Variants in ZNF843 observed in about 807,000 individuals in gnomAD.
ZNF843 encodes the protein zinc finger protein 843.
For synonymous variants in ZNF843, 185 were observed against 207.7 expected, an observed-to-expected ratio of 0.89 and a Z score of 0.94; for missense variants, 482 against 469.4, an observed-to-expected ratio of 1.03 and a Z score of -0.25.
rs927640848 is a variant in ZNF843, at chr16:31,437,880, C to G, written c.-335-696G>C. On this transcript the variant is annotated intron_variant, in intron 1 of 1. Coordinates refer to ENST00000315678, the MANE Select transcript of ZNF843 (RefSeq NM_001136509.3). ...TGACCTCATGATCCACCCACCTTAGCCTCCCAAAGTGCTGGGATTACAGGT... is the reference window on the plus strand; with the variant it reads ...TGACCTCATGATCCACCCACCTTAGGCTCCCAAAGTGCTGGGATTACAGGT... Among the ~76,000 whole-genome samples, 24 of 152,192 alleles carry G rather than the reference C, an allele frequency of 1.6e-4. 1 individual carries two copies. The highest frequency in any genetic ancestry group is 1.4e-3 in the Admixed American group (21 of 15,296).
At position 31,437,026 on chromosome 16, in the gene ZNF843, A is replaced by AC; in HGVS notation, c.-178dup. On this transcript the variant is annotated 5_prime_UTR_variant, in exon 2 of 2. An upstream open reading frame in the 5' UTR loses its in-frame stop. Transcript: ENST00000315678. ...TGTCTGGAGAGTTCTCTAATGTAAG[A>AC]CGCTGGGCAATGTCATCTGAAGGTG... The AC allele has an allele frequency of 1.6e-6, 1 of 606,376 alleles. No homozygotes were observed. The highest frequency in any genetic ancestry group is 2.2e-5 in the South Asian group (1 of 44,768). 37.6% of individuals were successfully genotyped at this position (606,376 alleles called of 1,614,324 possible).
In ZNF843 at chr16:31,436,473, CA is replaced by C. The variant is rs763820291; in HGVS notation, c.376del (p.Trp126GlyfsTer289). 1.9e-5 allele frequency: 29 copies of C among 1,551,688 alleles called. No individual in the cohort carries two copies. In the South Asian group the frequency reaches 3.3e-4, roughly 18 times the overall value. ...TGGCCGATCAGCTTCCACCGGTCCC[CA>C]AAAACCTGCTGGTACTGGGGACAGA... ...LRLSPVPAGF[W>X]GPVEADRPPA... On this transcript the variant is annotated frameshift_variant, in exon 2 of 2. Transcript: ENST00000315678. LOFTEE classifies it low-confidence loss of function (END_TRUNC).
At chr16:31,437,549 G>T (rs1177662364) in intron 1 of ZNF843, among the ~76,000 whole-genome samples, 1 of 149,562 alleles carries the variant, frequency 6.7e-6, no homozygotes, top group Non-Finnish European at 1.5e-5. Flanking sequence ...CAAGCGGTTG[G>T]CCCACCTGGG....
Position 31,435,775 on chromosome 16 carries a change from C to T in ZNF843, c.*28G>A. ...CAGTCCACCGGCGGCTGCAACAATT[C>T]CACCCAGGGCTGCAGCACGCTGGTT... On this transcript the variant is annotated 3_prime_UTR_variant, in exon 2 of 2. Coordinates refer to ENST00000315678, the MANE Select transcript of ZNF843 (RefSeq NM_001136509.3). 1.4e-6 allele frequency: 2 copies of T among 1,437,784 alleles called. No individual in the cohort carries two copies. The highest frequency in any genetic ancestry group is 1.8e-6 in the Non-Finnish European group (2 of 1,092,790). 89.1% of individuals were successfully genotyped at this position (1,437,784 alleles called of 1,614,324 possible). A position where few individuals can be genotyped will look rare whatever the true frequency, so the allele number is the denominator to read the frequency against.
chr16:31,440,194 T>A (rs376697396), intron 1 of ZNF843, among the ~76,000 whole-genome samples: 2 of 152,152 alleles, frequency 1.3e-5, no homozygotes, highest in East Asian at 1.9e-4. Flanking sequence ...GGTAAAAAAA[T>A]TTTTGGCTCC....
chr16:31,438,542 G>A (rs2082190978), intron 1 of ZNF843, among the ~76,000 whole-genome samples: 1 of 151,658 alleles, frequency 6.6e-6, no homozygotes, highest in Admixed American at 6.6e-5. Context: ...GCCACTCTGA[G>A]CCCTGGCTTG....
chr16:31,435,827 C>G lies in ZNF843; in HGVS notation c.1023G>C (p.Arg341=). ...PVFPVWKASS[R]RSNLARH ...TTCAGTGTCGGGCCAGGTTGGACCT[C>G]CGGCTGGAGGCCTTCCACACCGGAA... is the stretch of plus-strand genomic sequence containing the variant. Residue 341 remains arginine, a synonymous_variant, in exon 2 of 2, where the codon CGG becomes CGC. Transcript: ENST00000315678. 1 of 1,463,222 alleles carries G rather than the reference C, an allele frequency of 6.8e-7. No individual in the cohort carries two copies. Among genetic ancestry groups the G allele is most frequent in the Non-Finnish European group, 9.1e-7 (1 of 1,102,990 alleles). The allele number at this position is 1,463,222 out of a possible 1,614,324, so 90.6% of individuals were successfully genotyped here.
chr16:31,439,577 C>T (rs1277967455), intron 1 of ZNF843, among the ~76,000 whole-genome samples: 3 of 152,180 alleles, frequency 2.0e-5, no homozygotes, highest in Non-Finnish European at 4.4e-5. Flanking sequence ...CTGTTACCTG[C>T]AAGCAATGGA....
chr16:31,438,507 G>A (rs2082190914), intron 1 of ZNF843, among the ~76,000 whole-genome samples: 1 of 152,104 alleles, frequency 6.6e-6, no homozygotes, highest in African/African-American at 2.4e-5. Context: ...ACTTGGAAAT[G>A]GGGACTGGGG....
In ZNF843 at chr16:31,436,806, G is replaced by T. The variant is rs1205586207; in HGVS notation, c.44C>A (p.Ala15Asp). 19 of 1,550,586 alleles carry T rather than the reference G, an allele frequency of 1.2e-5. No individual in the cohort carries two copies. The highest frequency in any genetic ancestry group is 1.7e-5 in the Non-Finnish European group (19 of 1,146,348). The stretch of plus-strand genomic sequence containing the variant: ...GGTGCTGCAGCAGGTAGGAGCTCTG[G>T]CTGAAACGCTTTCCACAGTCAGGGC... Reference protein sequence around the residue: ...PFALTVESVSARAPTCCSTGR... With the variant: ...PFALTVESVSDRAPTCCSTGR... Residue 15 changes from alanine to aspartate, a missense_variant, in exon 2 of 2, where the codon GCC becomes GAC. Transcript: ENST00000315678.
In ZNF843 at chr16:31,436,202, G is replaced by A; in HGVS notation, c.648C>T (p.Pro216=). The change falls in exon 2 of 2, where the codon CCC becomes CCT. Residue 216 remains proline, a synonymous_variant. Transcript: ENST00000315678. ...GGCCAGGATAAAGGAAGGGAGGTCG[G>A]GGCAGGAGTGTGGATGGGGGCAGAT... ...LQHLPPSTLL[P]RPPFLYPGPP... The A allele has an allele frequency of 6.5e-7, 1 of 1,536,650 alleles. No individual in the cohort carries two copies. The highest frequency in any genetic ancestry group is 1.2e-5 in the South Asian group (1 of 81,488).
At chr16:31,442,563 C>G (rs571349609) in intron 1 of ZNF843, 73 bp downstream of exon 1, 1 of 152,576 alleles carries the variant, frequency 6.6e-6, no homozygotes, top group East Asian at 1.9e-4. Flanking sequence ...TCGTGATCCG[C>G]CCGCCTCGGC....
At chr16:31,442,448 G>A (rs991441419) in intron 1 of ZNF843, among the ~76,000 whole-genome samples, 188 bp downstream of exon 1, 6 of 152,186 alleles carry the variant, frequency 3.9e-5, no homozygotes, top group Admixed American at 3.9e-4. Context: ...AGCCTCCCGA[G>A]TAGCTGGGAC....
At chr16:31,441,019 T>C (rs2082199480) in intron 1 of ZNF843, among the ~76,000 whole-genome samples, 1 of 152,228 alleles carries the variant, frequency 6.6e-6, no homozygotes, top group African/African-American at 2.4e-5. Context: ...ATCTCTTCCC[T>C]AGATGAGTGT....
intron 1 of ZNF843, among the ~76,000 whole-genome samples, chr16:31,440,356 T>C (rs2142884930): frequency 6.6e-6 from 1 of 152,358 alleles, no homozygotes; most frequent in South Asian, 2.1e-4. Context: ...TGCATATGCA[T>C]TTTAACTACT....
At position 31,441,056 on chromosome 16, in the gene ZNF843, G is replaced by T. The variant is rs377214931; in HGVS notation, c.-336+1580C>A. On this transcript the variant is annotated intron_variant, in intron 1 of 1. Coordinates refer to ENST00000315678, the MANE Select transcript of ZNF843 (RefSeq NM_001136509.3). ...TTTTCCAGTTGGCCTTTTGTGATTT[G>T]ATTCCCCTCTCTTCCAATGGATGAT... is the stretch of plus-strand genomic sequence containing the variant. 3.9e-5 allele frequency among the ~76,000 whole-genome samples: 6 copies of T among 152,278 alleles called. No individual in the cohort carries two copies. In the East Asian group the frequency reaches 1.2e-3, roughly 29 times the overall value.
rs755158592 is a variant in ZNF843 at position 31,437,949 on chromosome 16, A to ATTTAT, written c.-335-770_-335-766dup. Among the ~76,000 whole-genome samples, 6 of 152,200 alleles carry ATTTAT rather than the reference A, an allele frequency of 3.9e-5. No individual in the cohort carries two copies. The South Asian group carries it at 1.2e-3, about 32-fold the overall frequency. Reference sequence around the variant, plus strand: ...CCAATCAATGCTTCTTAATAGTAAGATTTATTTTAAAATTTGGATTGGGGT... The same window carrying ATTTAT: ...CCAATCAATGCTTCTTAATAGTAAGATTTATTTTATTTTAAAATTTGGATTGGGGT... On this transcript the variant is annotated intron_variant, in intron 1 of 1. Transcript: ENST00000315678.
Position 31,436,547 on chromosome 16 carries a change from C to G in ZNF843, c.303G>C (p.Gln101His). 1 of 1,549,856 alleles carries G rather than the reference C, an allele frequency of 6.5e-7. No homozygotes were observed. The highest frequency in any genetic ancestry group is 8.7e-7 in the Non-Finnish European group (1 of 1,145,744). Residue 101 changes from glutamine (Q) to histidine (H), a missense_variant, in exon 2 of 2, where the codon CAG becomes CAC. Transcript: ENST00000315678. The stretch of plus-strand genomic sequence containing the variant: ...GCTCCTTGGTGAGCCAGCAGCAGAG[C>G]TGGCCGCTAAACCCTTGCCGCACTC... ...SAGVRQGFSG[Q>H]LCCWLTKEHT...
In ZNF843 at chr16:31,435,589, C is replaced by G; in HGVS notation, c.*214G>C. ...ACAGGTGTGAGTCACCGCCCGCAGC[C>G]GCACCTGCCTAAATCCCTTAATGTA... On this transcript the variant is annotated 3_prime_UTR_variant, in exon 2 of 2. Transcript: ENST00000315678. 1 of 442,028 alleles carries G rather than the reference C, an allele frequency of 2.3e-6. No individual in the cohort carries two copies. The highest frequency in any genetic ancestry group is 3.9e-6 in the Non-Finnish European group (1 of 259,098). The allele number at this position is 442,028 out of a possible 1,614,324, so 27.4% of individuals were successfully genotyped here.
Sources: allele counts gnomAD v4.1 joint callset (sites outside exome capture counted in the v4.1 genomes callset), GRCh38; gene constraint gnomAD v4.1.1; transcripts MANE v1.5; gene names NCBI Gene and HGNC (gene_info 2026-07-23, HGNC 2026-07-21).